Variants in USP42 observed in about 807,000 individuals in gnomAD.
The protein encoded by USP42 is ubiquitin carboxyl-terminal hydrolase 42.
USP42 carries 23 observed loss-of-function variants against 113.0 expected under a neutral mutation model. The ratio of observed to expected loss-of-function variants is 0.20; its 90% CI spans 0.15 to 0.29. The LOEUF (loss-of-function observed/expected upper bound fraction) is 0.29. Among genes scored for constraint, USP42 ranks in the 10% least tolerant of loss-of-function variants. The pLI is 1.00. For missense variants in USP42, 2,174 were observed against 1,779.8 expected (o/e 1.22, Z -3.99); for synonymous variants, 933 against 699.0 (o/e 1.33, Z -5.28).
At chr7:6,125,866 A>G (rs1429470690) in intron 3 of USP42, among the ~76,000 whole-genome samples, 1 of 149,898 alleles carries the variant, frequency 6.7e-6, no homozygotes, top group African/African-American at 2.4e-5. Context: ...TTTTTAAAAA[A>G]CTCAACTTTT....
intron 3 of USP42, among the ~76,000 whole-genome samples, chr7:6,135,513 A>T (rs1391754297): frequency 6.6e-6 from 1 of 151,854 alleles, no homozygotes; most frequent in Admixed American, 6.6e-5. Flanking sequence ...TTAGCCAGGC[A>T]TGGTGGCGCA....
Position 6,153,889 on chromosome 7 carries a change from C to A in USP42, c.2335C>A (p.Arg779Ser). The change falls in exon 15 of 18, where the codon CGC becomes AGC. Residue 779 changes from arginine to serine, a missense_variant. Transcript: ENST00000306177. ...LSSTKKAPPP[R>S]DPGTPATKEG... is the part of the protein sequence containing the mutation. The stretch of plus-strand genomic sequence containing the variant: ...CAGCACCAAGAAGGCTCCGCCGCCC[C>A]GCGATCCCGGCACCCCCGCTACCAA... The A allele has an allele frequency of 6.3e-7, 1 of 1,577,294 alleles. No homozygotes were observed. Among genetic ancestry groups the A allele is most frequent in the Non-Finnish European group, 8.6e-7 (1 of 1,163,806 alleles).
At chr7:6,129,008 C>T (rs1780694813) in intron 3 of USP42, among the ~76,000 whole-genome samples, 1 of 152,050 alleles carries the variant, frequency 6.6e-6, no homozygotes, top group Non-Finnish European at 1.5e-5. Context: ...GACAGGGTTT[C>T]ACCATGTTGC....
At position 6,150,397 on chromosome 7, in the gene USP42, T is replaced by C; in HGVS notation, c.2107-15T>C. ...GCTGGCGACTGAAGCTGAAATATTT[T>C]TGTTTTTATTGCAGTTGATGCCTGC... is the stretch of plus-strand genomic sequence containing the variant. On this transcript the variant is annotated splice_polypyrimidine_tract_variant and intron_variant, in intron 13 of 17. Transcript: ENST00000306177. 1 of 1,613,312 alleles carries C rather than the reference T, an allele frequency of 6.2e-7. No homozygotes were observed. Among genetic ancestry groups the C allele is most frequent in the Non-Finnish European group, 8.5e-7 (1 of 1,179,290 alleles).
At chr7:6,125,880 T>C (rs538027239) in intron 3 of USP42, among the ~76,000 whole-genome samples, 1 of 152,164 alleles carries the variant, frequency 6.6e-6, no homozygotes, top group Non-Finnish European at 1.5e-5. Context: ...AACTTTTTAT[T>C]TGTGGTAACT....
intron 3 of USP42, among the ~76,000 whole-genome samples, chr7:6,121,690 G>A (rs984469359): frequency 2.6e-5 from 4 of 152,126 alleles, no homozygotes; most frequent in African/African-American, 9.7e-5. Flanking sequence ...TAGAAGACAG[G>A]ATCTTGCTCT....
intron 14 of USP42, 52 bp downstream of exon 14, chr7:6,150,558 G>A: frequency 6.7e-7 from 1 of 1,482,396 alleles, no homozygotes; most frequent in Non-Finnish European, 9.4e-7. Flanking sequence ...AGGAAATCCA[G>A]TAGCCTCCAG....
At chr7:6,133,241 TC>T (rs1450104011) in intron 3 of USP42, among the ~76,000 whole-genome samples, 2 of 152,190 alleles carry the variant, frequency 1.3e-5, no homozygotes, top group East Asian at 3.8e-4. Flanking sequence ...CCCAAAAACC[TC>T]CTTTGTGCTT....
At chr7:6,094,785 G>T in the USP42 span, among the ~76,000 whole-genome samples, 1 of 149,364 alleles carries the variant, frequency 6.7e-6, no homozygotes. Context: ...GGCAGTTTCA[G>T]GGCTTCCACT....
At chr7:6,112,700 TA>T (rs1779662722) in intron 2 of USP42, among the ~76,000 whole-genome samples, 1 of 152,126 alleles carries the variant, frequency 6.6e-6, no homozygotes, top group Admixed American at 6.6e-5. Flanking sequence ...CACAAATCCG[TA>T]AACTTTCTTA....
At chr7:6,097,329 C>T in the USP42 span, among the ~76,000 whole-genome samples, 4 of 149,600 alleles carry the variant, frequency 2.7e-5, no homozygotes, top group Non-Finnish European at 5.9e-5. Context: ...GTAGCACTCG[C>T]TTCCTCCAGT....
rs2128503692 is a variant in USP42, at chr7:6,139,324, G to C, written c.656+130G>C. 3.1e-6 allele frequency: 2 copies of C among 646,062 alleles called. No individual in the cohort carries two copies. Among genetic ancestry groups the C allele is most frequent in the East Asian group, 6.1e-5 (2 of 32,660 alleles). The allele number at this position is 646,062 out of a possible 1,614,324, so 40.0% of individuals were successfully genotyped here. The stretch of plus-strand genomic sequence containing the variant: ...AGTGTTCACTTTACCTTTTGGCTTT[G>C]CTCTGCCTCTTCCTTAGGTGATGTG... On this transcript the variant is annotated intron_variant, in intron 5 of 17. Coordinates refer to ENST00000306177, the MANE Select transcript of USP42 (RefSeq NM_032172.3). This position sits in a 1 kb window ranked among gnomAD's most constrained non-coding sequence, Gnocchi z 4.5.
chr7:6,111,166 A>G lies in USP42; in HGVS notation c.33A>G (p.Ser11=). ...TAGTTGACAAAGCTTCTGAATCTTC[A>G]GACCCATCAGCCTATCAGAATCAGC... MTIVDKASES[S]DPSAYQNQPG... The change falls in exon 2 of 18, where the codon TCA becomes TCG. Residue 11 remains serine, a synonymous_variant. Coordinates refer to ENST00000306177, the MANE Select transcript of USP42 (RefSeq NM_032172.3). 6.2e-7 allele frequency: 1 copy of G among 1,613,216 alleles called. No individual in the cohort carries two copies. Among genetic ancestry groups the G allele is most frequent in the Non-Finnish European group, 8.5e-7 (1 of 1,179,440 alleles).
chr7:6,091,680 T>TACAC, the USP42 span, among the ~76,000 whole-genome samples: 3,039 of 136,070 alleles, frequency 0.022, 84 homozygotes, highest in East Asian at 0.027. Context: ...TATGTTAGCA[T>TACAC]ACACACACAC....
At chr7:6,140,027 A>C (rs1169284066) in intron 5 of USP42, 101 bp from the exon 6 acceptor site, 1 of 1,100,770 alleles carries the variant, frequency 9.1e-7, no homozygotes, top group East Asian at 2.3e-5. Context: ...TCCTGTTTGA[A>C]TTCTTGATCT....
the USP42 span, among the ~76,000 whole-genome samples, chr7:6,099,482 G>T: frequency 2.8e-4 from 42 of 150,438 alleles, 1 homozygote; most frequent in African/African-American, 9.7e-4. Flanking sequence ...CCAAAGTGCT[G>T]GGATTACAGG....
chr7:6,097,501 G>A, the USP42 span, among the ~76,000 whole-genome samples: 2 of 148,786 alleles, frequency 1.3e-5, no homozygotes, highest in Non-Finnish European at 2.9e-5. Flanking sequence ...CCAATTCCTG[G>A]CCTCAAGTGA....
At position 6,154,588 on chromosome 7, in the gene USP42, C is replaced by A. The variant is rs751480553; in HGVS notation, c.3034C>A (p.Arg1012Ser). 3 of 1,571,184 alleles carry A rather than the reference C, an allele frequency of 1.9e-6. No homozygotes were observed. Among genetic ancestry groups the A allele is most frequent in the East Asian group, 2.4e-5 (1 of 42,202 alleles). The change falls in exon 15 of 18, where the codon CGC becomes AGC. Residue 1012 changes from arginine to serine, a missense_variant. Physicochemically the swap from Arg to Ser is moderately radical, Grantham distance 110. Coordinates refer to ENST00000306177, the MANE Select transcript of USP42 (RefSeq NM_032172.3). ...HGDRLSPGER[R>S]SLGRCSHHHS... The stretch of plus-strand genomic sequence containing the variant: ...CGACAGGCTCAGCCCTGGCGAGCGC[C>A]GCTCTCTGGGCAGGTGCAGTCACCA...
Position 6,120,111 on chromosome 7 carries a change from C to G in USP42, c.442+4588C>G, listed in dbSNP as rs546834192. 4.6e-5 allele frequency among the ~76,000 whole-genome samples: 7 copies of G among 152,274 alleles called. 1 individual carries two copies. The highest frequency in any genetic ancestry group is 1.7e-4 in the African/African-American group (7 of 41,564). ...TCCTGAGTGGTTGGGACTACAGGTGCCTGCCACCACGCCGGCTAATTTTTT... is the reference window on the plus strand; with the variant it reads ...TCCTGAGTGGTTGGGACTACAGGTGGCTGCCACCACGCCGGCTAATTTTTT... On this transcript the variant is annotated intron_variant, in intron 3 of 17. Coordinates refer to ENST00000306177, the MANE Select transcript of USP42 (RefSeq NM_032172.3).
Sources: gnomAD v4.1 joint callset for allele counts (sites outside exome capture counted in the v4.1 genomes callset) on GRCh38, gnomAD v4.1.1 for gene constraint, Gnocchi (gnomAD v3.1) non-coding constraint, MANE v1.5 for transcripts, NCBI Gene and HGNC (gene_info 2026-07-23, HGNC 2026-07-21) for gene names.